The following PRKG1 variants were observed in gnomAD, a reference collection of about 807,000 sequenced individuals.
PRKG1 encodes the protein protein kinase cGMP-dependent 1.
A neutral mutation model predicts 88.1 loss-of-function variants in PRKG1; 35 were observed. That is an observed-to-expected ratio of 0.40 (90% CI 0.30 to 0.53). PRKG1 has a LOEUF of 0.53. Among genes scored for constraint, PRKG1 ranks in the 20% least tolerant of loss-of-function variants. PRKG1 has a pLI of 0.59. For missense variants in PRKG1, 540 were observed against 839.8 expected, an observed-to-expected ratio of 0.64 and a Z score of 4.41; for synonymous variants, 303 against 292.5, an observed-to-expected ratio of 1.04 and a Z score of -0.37.
chr10:51,189,420 A>G (rs1461586067), intron 2 of PRKG1, among the ~76,000 whole-genome samples: 1 of 151,850 alleles, frequency 6.6e-6, no homozygotes, highest in African/African-American at 2.4e-5. Context: ...ACATGCAGGT[A>G]TTTTAGCCAT....
chr10:52,157,817 T>G (rs182726969), intron 8 of PRKG1, among the ~76,000 whole-genome samples: 1 of 151,664 alleles, frequency 6.6e-6, no homozygotes, highest in Non-Finnish European at 1.5e-5. Flanking sequence ...TCCTCTTTCC[T>G]TTCTTTTCCT....
chr10:52,086,460 A>G (rs923763685), intron 7 of PRKG1, among the ~76,000 whole-genome samples: 8 of 148,866 alleles, frequency 5.4e-5, no homozygotes, highest in African/African-American at 2.0e-4. Flanking sequence ...GCTGAAGTGC[A>G]GTGTTGCAAT....
intron 3 of PRKG1, among the ~76,000 whole-genome samples, chr10:51,761,289 T>A (rs1838015946): frequency 6.6e-6 from 1 of 152,270 alleles, no homozygotes. Flanking sequence ...GAACTTTAGC[T>A]TTCAATCAGC....
chr10:51,303,127 C>T lies in PRKG1; in HGVS notation c.478+149797C>T, dbSNP rs189362859. ...AATATGGGGCAGTCAAGAATATACC[C>T]AGAGAAAGCTATTCCACAAGGGACA... On this transcript the variant is annotated intron_variant, in intron 2 of 17. Transcript: ENST00000373980. Among the ~76,000 whole-genome samples the T allele has an allele frequency of 8.9e-4, 136 of 152,190 alleles. 2 individuals are homozygous for T. The highest frequency in any genetic ancestry group is 2.8e-3 in the Admixed American group (43 of 15,274).
At chr10:51,913,213 G>A (rs1342510398) in intron 5 of PRKG1, among the ~76,000 whole-genome samples, 1 of 152,180 alleles carries the variant, frequency 6.6e-6, no homozygotes, top group Non-Finnish European at 1.5e-5. Context: ...ACAGGCGTGA[G>A]CCACGGCGCC....
chr10:51,952,412 C>T (rs1843205756), intron 5 of PRKG1, among the ~76,000 whole-genome samples: 1 of 152,184 alleles, frequency 6.6e-6, no homozygotes, highest in Non-Finnish European at 1.5e-5. Context: ...AGCTCTACTA[C>T]TTACTAGCTG....
chr10:51,764,547 AG>A (rs1838106290), intron 3 of PRKG1, among the ~76,000 whole-genome samples: 1 of 152,178 alleles, frequency 6.6e-6, no homozygotes, highest in African/African-American at 2.4e-5. Context: ...AACTATGCAA[AG>A]GATGTAGTAT....
chr10:52,127,807 G>A (rs771039127), intron 7 of PRKG1, among the ~76,000 whole-genome samples: 3 of 152,114 alleles, frequency 2.0e-5, no homozygotes, highest in Non-Finnish European at 4.4e-5. Flanking sequence ...TAGGTTGTGG[G>A]TTTTATTACA....
intron 2 of PRKG1, among the ~76,000 whole-genome samples, chr10:51,206,139 T>G (rs1838053351): frequency 6.6e-6 from 1 of 152,168 alleles, no homozygotes; most frequent in African/African-American, 2.4e-5. Flanking sequence ...CATGCTTACT[T>G]TGTAATTCTG....
chr10:52,176,442 G>T (rs929876957), intron 9 of PRKG1, among the ~76,000 whole-genome samples: 1 of 151,922 alleles, frequency 6.6e-6, no homozygotes, highest in Non-Finnish European at 1.5e-5. Flanking sequence ...TTGCAGTCTG[G>T]CAGTGTGATG....
intron 5 of PRKG1, among the ~76,000 whole-genome samples, chr10:51,971,359 ACTT>A (rs1843710577): frequency 6.6e-6 from 1 of 152,006 alleles, no homozygotes; most frequent in Non-Finnish European, 1.5e-5. Flanking sequence ...TTTATTTTCT[ACTT>A]CTTAATATAT....
chr10:51,921,554 T>A (rs58382987), intron 5 of PRKG1, among the ~76,000 whole-genome samples: 6 of 152,070 alleles, frequency 3.9e-5, no homozygotes, highest in Non-Finnish European at 7.4e-5. Flanking sequence ...CTCTTTGTAG[T>A]TTTTTGTTGC....
At chr10:52,112,935 A>G (rs903186327) in intron 7 of PRKG1, among the ~76,000 whole-genome samples, 5 of 151,926 alleles carry the variant, frequency 3.3e-5, no homozygotes, top group African/African-American at 1.2e-4. Context: ...ATGCTGCAAG[A>G]AGTGTAATTT....
chr10:51,183,936 C>T (rs1349331399), intron 2 of PRKG1, among the ~76,000 whole-genome samples: 1 of 152,168 alleles, frequency 6.6e-6, no homozygotes, highest in South Asian at 2.1e-4. Context: ...TCAGTCTTAG[C>T]AGTCTTCACT....
chr10:51,949,571 C>T (rs1274640440), intron 5 of PRKG1, among the ~76,000 whole-genome samples: 2 of 151,942 alleles, frequency 1.3e-5, no homozygotes, highest in Non-Finnish European at 2.9e-5. Flanking sequence ...AACATGTGTA[C>T]AGTGATAGCC....
intron 2 of PRKG1, among the ~76,000 whole-genome samples, chr10:51,348,822 G>T (rs1453562826): frequency 6.6e-6 from 1 of 152,098 alleles, no homozygotes; most frequent in Non-Finnish European, 1.5e-5. Flanking sequence ...CAGTGTGACT[G>T]GTATGTCACA....
chr10:52,081,332 A>G (rs1846769150), intron 7 of PRKG1, among the ~76,000 whole-genome samples: 1 of 152,144 alleles, frequency 6.6e-6, no homozygotes, highest in Admixed American at 6.5e-5. Flanking sequence ...TAATTTCATT[A>G]TTATTGAAAT....
intron 1 of PRKG1, among the ~76,000 whole-genome samples, chr10:51,143,709 C>T (rs936581463): frequency 2.0e-5 from 3 of 152,000 alleles, no homozygotes; most frequent in African/African-American, 7.2e-5. Flanking sequence ...TTTGCATTTT[C>T]CTGAAGATGC....
chr10:52,148,463 A>G (rs939089388), intron 8 of PRKG1, among the ~76,000 whole-genome samples: 1 of 152,194 alleles, frequency 6.6e-6, no homozygotes, highest in Non-Finnish European at 1.5e-5. Context: ...AAAAAACAAA[A>G]CTGAACATAT....
Sources: gnomAD v4.1 joint callset for allele counts (sites outside exome capture counted in the v4.1 genomes callset) on GRCh38, gnomAD v4.1.1 for gene constraint, MANE v1.5 for transcripts, NCBI Gene and HGNC (gene_info 2026-07-23, HGNC 2026-07-21) for gene names.